The following CTIF variants were observed in gnomAD, a reference collection of about 807,000 sequenced individuals.
CTIF encodes cap binding complex dependent translation initiation factor, also known as CBP80/20-dependent translation initiation factor.
CTIF carries 21 observed loss-of-function variants against 66.0 expected under a neutral mutation model. That is an observed-to-expected ratio of 0.32 (90% CI 0.23 to 0.46). The LOEUF is 0.46. Among genes scored for constraint, CTIF ranks in the 20% least tolerant of loss-of-function variants. The pLI is 1.00. For synonymous variants in CTIF, 345 were observed against 326.4 expected, an observed-to-expected ratio of 1.06 and a Z score of -0.62; for missense variants, 739 against 812.7, an observed-to-expected ratio of 0.91 and a Z score of 1.10.
chr18:48,717,483 A>C (rs1158370890), intron 7 of CTIF, among the ~76,000 whole-genome samples: 1 of 152,034 alleles, frequency 6.6e-6, no homozygotes, highest in Non-Finnish European at 1.5e-5. Context: ...TCCTCTGCCA[A>C]CGTGAACCCA....
At chr18:48,603,107 GTGAATGGATGGA>G (rs893353823) in intron 1 of CTIF, among the ~76,000 whole-genome samples, 2 of 140,736 alleles carry the variant, frequency 1.4e-5, no homozygotes, top group African/African-American at 2.7e-5. Context: ...GGGTGGGTGG[GTGAATGGATGGA>G]TGAATGGATG....
At chr18:48,760,449 A>C (rs1908870658) in intron 8 of CTIF, 1 of 152,160 alleles carries the variant, frequency 6.6e-6, no homozygotes, top group Non-Finnish European at 1.5e-5. Context: ...CAGAGAGTGA[A>C]ATCACTTACC....
intron 9 of CTIF, among the ~76,000 whole-genome samples, chr18:48,784,860 T>C (rs529254522): frequency 1.7e-4 from 26 of 152,294 alleles, no homozygotes; most frequent in African/African-American, 5.3e-4. Context: ...TTCATGCACG[T>C]GTACATGTGA....
At chr18:48,827,426 C>G (rs747710666) in intron 10 of CTIF, among the ~76,000 whole-genome samples, 1 of 152,062 alleles carries the variant, frequency 6.6e-6, no homozygotes, top group Non-Finnish European at 1.5e-5. Flanking sequence ...GGTGGGAGCC[C>G]AGATGGAGGA....
chr18:48,738,064 C>G (rs1027263805), intron 7 of CTIF, among the ~76,000 whole-genome samples: 1 of 152,220 alleles, frequency 6.6e-6, no homozygotes, highest in African/African-American at 2.4e-5. Flanking sequence ...GCCCCACTCC[C>G]TCTGTCTTCC....
chr18:48,730,301 G>A (rs1427554459), intron 7 of CTIF, among the ~76,000 whole-genome samples: 12 of 138,900 alleles, frequency 8.6e-5, no homozygotes, highest in African/African-American at 2.8e-4. Flanking sequence ...GGGCCCCTGA[G>A]GTGTGAGGGG....
chr18:48,573,967 C>T (rs74533165), intron 1 of CTIF, among the ~76,000 whole-genome samples: 11,139 of 152,290 alleles, frequency 0.073, 482 homozygotes, highest in South Asian at 0.1. Context: ...GTCGCATCCC[C>T]AGCAGTGCTT....
intron 9 of CTIF, among the ~76,000 whole-genome samples, chr18:48,801,627 C>A (rs2068050697): frequency 6.6e-6 from 1 of 152,214 alleles, no homozygotes; most frequent in African/African-American, 2.4e-5. Flanking sequence ...GGGGTTTTCT[C>A]AAATTCTATA....
intron 3 of CTIF, among the ~76,000 whole-genome samples, chr18:48,638,807 T>G (rs1189357552): frequency 6.6e-6 from 1 of 152,218 alleles, no homozygotes; most frequent in Non-Finnish European, 1.5e-5. Context: ...TCTTGACAGG[T>G]GGAACTGAGA....
At chr18:48,668,862 C>T (rs1189652268) in intron 5 of CTIF, among the ~76,000 whole-genome samples, 1 of 151,928 alleles carries the variant, frequency 6.6e-6, no homozygotes, top group Non-Finnish European at 1.5e-5. Context: ...GGTGATTATC[C>T]CGCCAGACAC....
chr18:48,579,869 A>G (rs978543821), intron 1 of CTIF, among the ~76,000 whole-genome samples: 5 of 152,198 alleles, frequency 3.3e-5, no homozygotes, highest in Non-Finnish European at 5.9e-5. Context: ...TCTGACTCCC[A>G]AATCAGGTGT....
rs1189855211 is a variant in CTIF, at chr18:48,707,573, TC to T, written c.508-4043del. 4.6e-5 allele frequency among the ~76,000 whole-genome samples: 7 copies of T among 152,038 alleles called. No individual in the cohort carries two copies. The East Asian group carries it at 9.7e-4, about 21-fold the overall frequency. On this transcript the variant is annotated intron_variant, in intron 6 of 11. Transcript: ENST00000256413. ...TCCTCTTCTTCTTCTTCTTCCTCTT[TC>T]CCTTCTCCTCCTCTTCCTTCTCCTT...
chr18:48,801,343 C>G (rs985410963), intron 9 of CTIF, among the ~76,000 whole-genome samples: 1 of 152,246 alleles, frequency 6.6e-6, no homozygotes, highest in African/African-American at 2.4e-5. Flanking sequence ...TGGTCTCCCC[C>G]AAGCTCCCTA....
At chr18:48,763,087 G>A (rs999633394) in intron 9 of CTIF, among the ~76,000 whole-genome samples, 1 of 152,272 alleles carries the variant, frequency 6.6e-6, no homozygotes, top group Non-Finnish European at 1.5e-5. Context: ...TGTCCTGGGA[G>A]CGTGTGGAGA....
chr18:48,641,576 G>C (rs953212834), intron 3 of CTIF, among the ~76,000 whole-genome samples: 6 of 152,176 alleles, frequency 3.9e-5, no homozygotes, highest in African/African-American at 1.4e-4. Context: ...GTTTCATCCT[G>C]ACGCCCTGTA....
chr18:48,854,023 T>G (rs1007709332), intron 10 of CTIF, among the ~76,000 whole-genome samples: 1 of 152,202 alleles, frequency 6.6e-6, no homozygotes, highest in African/African-American at 2.4e-5. Flanking sequence ...CTACCCTTCC[T>G]TTTAAAAATG....
intron 2 of CTIF, among the ~76,000 whole-genome samples, chr18:48,627,396 G>A (rs1243452999): frequency 6.6e-6 from 1 of 152,116 alleles, no homozygotes; most frequent in Admixed American, 6.5e-5. Flanking sequence ...ATGCATGAGG[G>A]AGGCAGGAAG....
chr18:48,770,931 A>C (rs1910048168), intron 9 of CTIF, among the ~76,000 whole-genome samples: 1 of 151,976 alleles, frequency 6.6e-6, no homozygotes, highest in Admixed American at 6.6e-5. Flanking sequence ...GGCCCTTCTA[A>C]CTTTATCCCA....
intron 10 of CTIF, among the ~76,000 whole-genome samples, chr18:48,853,736 C>T (rs372794121): frequency 1.3e-5 from 2 of 152,240 alleles, no homozygotes; most frequent in African/African-American, 2.4e-5. Flanking sequence ...CCAAGCCTGC[C>T]GTGGGTCCTC....
Sources: allele counts gnomAD v4.1 joint callset (sites outside exome capture counted in the v4.1 genomes callset), GRCh38; gene constraint gnomAD v4.1.1; transcripts MANE v1.5; gene names NCBI Gene and HGNC (gene_info 2026-07-23, HGNC 2026-07-21).